DPYSL2: variants seen among roughly 807,000 people sequenced by gnomAD.
DPYSL2 encodes dihydropyrimidinase-related protein 2.
In DPYSL2, 13 loss-of-function variants were observed where a neutral mutation model predicts 69.9. That is an observed-to-expected ratio of 0.19 (90% confidence interval 0.12 to 0.30). The LOEUF (loss-of-function observed/expected upper bound fraction) is 0.30, where lower values mean the gene tolerates loss of function less well. DPYSL2 is among the 10% of genes least tolerant of loss of function. The pLI is 1.00. For synonymous variants in DPYSL2, 326 were observed against 359.1 expected (o/e 0.91, Z 1.04); for missense variants, 587 against 918.9 (o/e 0.64, Z 4.67).
chr8:26,535,454 A>G (rs1424749627), intron 1 of DPYSL2, among the ~76,000 whole-genome samples: 1 of 152,082 alleles, frequency 6.6e-6, no homozygotes, highest in African/African-American at 2.4e-5. Context: ...GAAAAACCCA[A>G]CTAGAGATTT....
rs1164139601 is a variant in DPYSL2 at position 26,621,158 on chromosome 8, A to G, written c.629-2985A>G. On this transcript the variant is annotated intron_variant, in intron 3 of 13. Transcript: ENST00000521913. This position sits in a 1 kb window ranked among gnomAD's most constrained non-coding sequence, Gnocchi z 4.9. ...AGTGGACTATAGATAAAGAAATAGA[A>G]TAAGGTATAATATATAGAAAAAAGG... is the stretch of plus-strand genomic sequence containing the variant. 1.3e-5 allele frequency among the ~76,000 whole-genome samples: 2 copies of G among 152,252 alleles called. No individual in the cohort carries two copies. Among genetic ancestry groups the G allele is most frequent in the Non-Finnish European group, 1.5e-5 (1 of 68,048 alleles).
intron 3 of DPYSL2, among the ~76,000 whole-genome samples, chr8:26,612,979 C>G (rs755114945): frequency 2.0e-5 from 3 of 152,148 alleles, no homozygotes; most frequent in African/African-American, 7.2e-5. Flanking sequence ...AGATAAGGTA[C>G]GTGATAACAC....
chr8:26,649,780 G>A (rs530595704), intron 11 of DPYSL2, among the ~76,000 whole-genome samples: 7 of 152,330 alleles, frequency 4.6e-5, no homozygotes, highest in Non-Finnish European at 8.8e-5. Flanking sequence ...TAGGGAGCCT[G>A]TGTGGATGTA....
rs190459321 is a variant in DPYSL2, at chr8:26,617,910, T to C, written c.629-6233T>C. On this transcript the variant is annotated intron_variant, in intron 3 of 13. Coordinates refer to ENST00000521913, the MANE Select transcript of DPYSL2 (RefSeq NM_001197293.3). The surrounding 1 kb of genome is among the most constrained non-coding windows in gnomAD (Gnocchi z 4.7). ...CAGGTTTCTTTTTTGAGTCATGTTC[T>C]AAAATTAGATTATTGCAATGGTTGT... 4.7e-3 allele frequency among the ~76,000 whole-genome samples: 709 copies of C among 152,304 alleles called. 1 individual carries two copies. The highest frequency in any genetic ancestry group is 7.6e-3 in the Non-Finnish European group (519 of 68,026).
rs73678803 is a variant in DPYSL2, at chr8:26,514,355, G to A, written c.30G>A (p.Ala10=). The change falls in exon 1 of 14, where the codon GCG becomes GCA. Residue 10 remains alanine (A), a synonymous_variant. Transcript: ENST00000521913. The surrounding 1 kb of genome is among the most constrained non-coding windows in gnomAD (Gnocchi z 8.4). MAERKQSGK[A]AEDEEVPAFF... ...CCGAGAGAAAGCAATCCGGGAAGGC[G>A]GCAGAGGACGAAGAGGTCCCTGCTT... is the stretch of plus-strand genomic sequence containing the variant. 8,068 of 1,480,768 alleles carry A rather than the reference G, an allele frequency of 5.4e-3. 352 individuals are homozygous for A. The African/African-American group carries it at 0.096, about 18-fold the overall frequency. 91.7% of individuals were successfully genotyped at this position (1,480,768 alleles called of 1,614,324 possible). A position where few individuals can be genotyped will look rare whatever the true frequency, so the allele number is the denominator to read the frequency against.
rs538661625 is a variant in DPYSL2 at position 26,559,235 on chromosome 8, G to A, written c.355-22734G>A. Among the ~76,000 whole-genome samples the A allele has an allele frequency of 6.0e-4, 92 of 152,256 alleles. 2 individuals carry two copies. In the South Asian group the frequency reaches 0.015, roughly 25 times the overall value. On this transcript the variant is annotated intron_variant, in intron 1 of 13. Transcript: ENST00000521913. ...TAGGATTACAGGTGTGAGCCACCAC[G>A]TCCGGCCTAAACTATTTCTAGTAGT...
chr8:26,570,337 A>T (rs1349312660), intron 1 of DPYSL2, among the ~76,000 whole-genome samples: 1 of 152,180 alleles, frequency 6.6e-6, no homozygotes, highest in African/African-American at 2.4e-5. Flanking sequence ...CATCTAAGGA[A>T]TGTGGACTGG....
chr8:26,528,517 T>A (rs10090623), intron 1 of DPYSL2, among the ~76,000 whole-genome samples: 3 of 151,436 alleles, frequency 2.0e-5, no homozygotes, highest in Non-Finnish European at 4.4e-5. Context: ...CATGGTGACT[T>A]GCGCCTGTAG....
intron 1 of DPYSL2, among the ~76,000 whole-genome samples, chr8:26,529,940 G>C (rs759367233): frequency 6.6e-6 from 1 of 150,628 alleles, no homozygotes; most frequent in Non-Finnish European, 1.5e-5. Context: ...CTGAAACCTC[G>C]TTTCTACTAA....
chr8:26,525,098 A>G (rs147284065), intron 1 of DPYSL2, among the ~76,000 whole-genome samples: 33 of 152,240 alleles, frequency 2.2e-4, no homozygotes, highest in African/African-American at 7.9e-4. Context: ...AAAATTTACA[A>G]ATTAAGTTGA....
At chr8:26,561,619 A>G (rs1473547255) in intron 1 of DPYSL2, among the ~76,000 whole-genome samples, 1 of 151,572 alleles carries the variant, frequency 6.6e-6, no homozygotes, top group African/African-American at 2.4e-5. Context: ...GCAGTCCCCA[A>G]CTTTTTTGGC....
intron 1 of DPYSL2, among the ~76,000 whole-genome samples, chr8:26,529,303 C>CAT (rs1554531986): frequency 1.4e-4 from 21 of 147,586 alleles, no homozygotes; most frequent in Admixed American, 4.1e-4. Context: ...ATCTATCTAT[C>CAT]ATCTATCTAT....
chr8:26,642,420 G>A lies in DPYSL2; in HGVS notation c.1127-1019G>A, dbSNP rs1159238807. Among the ~76,000 whole-genome samples, 5 of 152,158 alleles carry A rather than the reference G, an allele frequency of 3.3e-5. No individual in the cohort carries two copies. In the East Asian group the frequency reaches 5.8e-4, roughly 18 times the overall value. On this transcript the variant is annotated intron_variant, in intron 8 of 13. Coordinates refer to ENST00000521913, the MANE Select transcript of DPYSL2 (RefSeq NM_001197293.3). This position sits in a 1 kb window ranked among gnomAD's most constrained non-coding sequence, Gnocchi z 5.3. ...CTTTTAAGTCCTTGAATGCAGAAGGGCTCCTTTGGAAGATTTTATGCAAGA... is the reference window on the plus strand; with the variant it reads ...CTTTTAAGTCCTTGAATGCAGAAGGACTCCTTTGGAAGATTTTATGCAAGA...
intron 1 of DPYSL2, among the ~76,000 whole-genome samples, chr8:26,530,334 G>T (rs527245593): frequency 3.3e-5 from 5 of 152,258 alleles, no homozygotes; most frequent in African/African-American, 1.2e-4. Context: ...TGTCTTGGCT[G>T]TCTTAGCTTC....
At chr8:26,528,697 TACTC>T (rs1214383002) in intron 1 of DPYSL2, among the ~76,000 whole-genome samples, 4 of 150,218 alleles carry the variant, frequency 2.7e-5, no homozygotes, top group Non-Finnish European at 5.9e-5. Flanking sequence ...AAAGAAATAA[TACTC>T]ACAGATCCCT....
At position 26,514,330 on chromosome 8, in the gene DPYSL2, C is replaced by A. The variant is rs1206108750; in HGVS notation, c.5C>A (p.Ala2Asp). The change falls in exon 1 of 14, where the codon GCC (alanine) becomes GAC (aspartate). Residue 2 changes from alanine to aspartate, a missense_variant. Around this residue, in one of 3 missense-constraint regions of DPYSL2, gnomAD observed 50 missense variants for 86.8 expected, o/e 0.58. Coordinates refer to ENST00000521913, the MANE Select transcript of DPYSL2 (RefSeq NM_001197293.3). This position sits in a 1 kb window ranked among gnomAD's most constrained non-coding sequence, Gnocchi z 8.4. The part of the protein sequence containing the change: M[A>D]ERKQSGKAAE... ...CCCTACCCGAGCCCCCGAGCCATGGCCGAGAGAAAGCAATCCGGGAAGGCG... is the reference window on the plus strand; with the variant it reads ...CCCTACCCGAGCCCCCGAGCCATGGACGAGAGAAAGCAATCCGGGAAGGCG... The A allele has an allele frequency of 2.1e-6, 3 of 1,460,402 alleles. No homozygotes were observed. The East Asian group carries it at 7.9e-5, about 38-fold the overall frequency. 90.5% of individuals were successfully genotyped at this position (1,460,402 alleles called of 1,614,324 possible). A position where few individuals can be genotyped will look rare whatever the true frequency, so the allele number is the denominator to read the frequency against.
Position 26,609,846 on chromosome 8 carries a change from C to A in DPYSL2, c.629-14297C>A, listed in dbSNP as rs1475695844. Among the ~76,000 whole-genome samples, 1 of 152,214 alleles carries A rather than the reference C, an allele frequency of 6.6e-6. No individual in the cohort carries two copies. On this transcript the variant is annotated intron_variant, in intron 3 of 13. Transcript: ENST00000521913. This position sits in a 1 kb window ranked among gnomAD's most constrained non-coding sequence, Gnocchi z 6.5. ...TTCATCGCCTGGAATTTATTTCTGG[C>A]AGACTTTGTGGTCAAAACTGGGAAG...
At chr8:26,543,149 G>A (rs1345272449) in intron 1 of DPYSL2, among the ~76,000 whole-genome samples, 2 of 152,082 alleles carry the variant, frequency 1.3e-5, no homozygotes, top group South Asian at 2.1e-4. Flanking sequence ...GAAACATAAA[G>A]CAACAGAGTA....
Position 26,593,107 on chromosome 8 carries a change from T to C in DPYSL2, c.628+9124T>C, listed in dbSNP as rs148260673. ...TTAGAGTTCTTTCTGGTTAACCCAT[T>C]TGGGAGGTAGCTTTCTTTGAATATG... On this transcript the variant is annotated intron_variant, in intron 3 of 13. Coordinates refer to ENST00000521913, the MANE Select transcript of DPYSL2 (RefSeq NM_001197293.3). The surrounding 1 kb of genome is among the most constrained non-coding windows in gnomAD (Gnocchi z 5.7). Among the ~76,000 whole-genome samples the C allele has an allele frequency of 2.3e-4, 35 of 152,244 alleles. No homozygotes were observed. The highest frequency in any genetic ancestry group is 8.2e-4 in the African/African-American group (34 of 41,550).
Sources: gnomAD v4.1 joint callset for allele counts (sites outside exome capture counted in the v4.1 genomes callset) on GRCh38, gnomAD v4.1.1 for gene constraint, gnomAD v4.1.1 regional missense constraint, Gnocchi (gnomAD v3.1) non-coding constraint, MANE v1.5 for transcripts, NCBI Gene and HGNC (gene_info 2026-07-23, HGNC 2026-07-21) for gene names.